POR: variants seen among roughly 807,000 people sequenced by gnomAD.
POR encodes NADPH--cytochrome P450 reductase.
POR carries 56 observed loss-of-function variants against 84.0 expected under a neutral mutation model. That is an observed-to-expected ratio of 0.67 (90% CI 0.54 to 0.83). POR has a LOEUF of 0.83. Ranked by LOEUF, POR falls within the 40% of genes least tolerant of loss-of-function variation. POR has a pLI of 0.00. For synonymous variants in POR, 414 were observed against 400.5 expected, an observed-to-expected ratio of 1.03 and a Z score of -0.40; for missense variants, 938 against 944.3, an observed-to-expected ratio of 0.99 and a Z score of 0.09.
At chr7:75,967,878 C>T (rs183287436) in intron 2 of POR, 16 of 363,048 alleles carry the variant, frequency 4.4e-5, no homozygotes, top group Admixed American at 2.4e-4. Flanking sequence ...TGGGGGCAGA[C>T]GCAGGCAGGA....
chr7:75,940,346 C>T (rs1436455690), intron 1 of POR, among the ~76,000 whole-genome samples: 1 of 151,932 alleles, frequency 6.6e-6, no homozygotes, highest in Non-Finnish European at 1.5e-5. Context: ...CTCAGCCTCC[C>T]AAAGTGCTGG....
At chr7:75,963,215 G>C (rs572203352) in intron 2 of POR, among the ~76,000 whole-genome samples, 3 of 152,294 alleles carry the variant, frequency 2.0e-5, no homozygotes, top group Admixed American at 6.5e-5. Context: ...CATCGAGCAT[G>C]AAAAGAGAAA....
chr7:75,929,210 G>C (rs1396414149), intron 1 of POR, among the ~76,000 whole-genome samples: 1 of 152,132 alleles, frequency 6.6e-6, no homozygotes, highest in African/African-American at 2.4e-5. Flanking sequence ...TTAAACACAT[G>C]CTGTGAATAT....
chr7:75,973,427 C>T lies in POR; in HGVS notation c.237+966C>T, dbSNP rs1264823292. ...CTCCTAGACTCAAGCCATCCTCCTA[C>T]CACAGCCTCCCAAGTAGCTGGGACT... On this transcript the variant is annotated intron_variant, in intron 3 of 15. Coordinates refer to ENST00000461988, the MANE Select transcript of POR (RefSeq NM_000941.3). Among the ~76,000 whole-genome samples, 3 of 152,018 alleles carry T rather than the reference C, an allele frequency of 2.0e-5. No homozygotes were observed. The East Asian group carries it at 5.8e-4, about 29-fold the overall frequency.
intron 2 of POR, among the ~76,000 whole-genome samples, 159 bp downstream of exon 2, chr7:75,954,339 T>C (rs372030799): frequency 6.6e-6 from 1 of 152,126 alleles, no homozygotes; most frequent in Admixed American, 6.6e-5. Flanking sequence ...GCTTGAGCTC[T>C]CCCTTAATCA....
chr7:75,982,416 G>A, intron 8 of POR, 94 bp downstream of exon 8: 1 of 1,072,628 alleles, frequency 9.3e-7, no homozygotes. Context: ...TCCCCACAGG[G>A]CCCTTCTCAC....
At chr7:75,963,836 G>A (rs925007693) in intron 2 of POR, among the ~76,000 whole-genome samples, 21 of 152,048 alleles carry the variant, frequency 1.4e-4, no homozygotes, top group Non-Finnish European at 2.9e-5. Flanking sequence ...AGGAGTTGGG[G>A]TCACCAAGGA....
intron 1 of POR, among the ~76,000 whole-genome samples, chr7:75,919,409 A>G (rs1176922887): frequency 4.6e-5 from 6 of 130,952 alleles, no homozygotes; most frequent in African/African-American, 1.1e-4. Flanking sequence ...GTGTGTGTGT[A>G]TGCATATAAG....
chr7:75,962,150 G>A (rs1787969815), intron 2 of POR, among the ~76,000 whole-genome samples: 1 of 152,160 alleles, frequency 6.6e-6, no homozygotes, highest in South Asian at 2.1e-4. Flanking sequence ...TTCCCTGATT[G>A]ACTGATGTTT....
At chr7:75,960,584 C>T (rs1554554358) in intron 2 of POR, among the ~76,000 whole-genome samples, 1 of 152,100 alleles carries the variant, frequency 6.6e-6, no homozygotes, top group African/African-American at 2.4e-5. Context: ...GTTCTGAGAT[C>T]ACTCACTGTG....
At chr7:75,921,051 C>T (rs1333840512) in intron 1 of POR, 3 of 152,232 alleles carry the variant, frequency 2.0e-5, no homozygotes, top group African/African-American at 7.2e-5. Context: ...CCTTACGTAA[C>T]GTGATTTGCA....
At chr7:75,949,864 T>G (rs1787338770) in intron 1 of POR, among the ~76,000 whole-genome samples, 2 of 144,556 alleles carry the variant, frequency 1.4e-5, no homozygotes, top group Non-Finnish European at 3.1e-5. Context: ...CTGACTTACT[T>G]TTTTTTTTTT....
At chr7:75,974,426 ACT>A (rs1788580267) in intron 3 of POR, among the ~76,000 whole-genome samples, 1 of 151,464 alleles carries the variant, frequency 6.6e-6, no homozygotes, top group South Asian at 2.1e-4. Context: ...TAAAAAAAAA[ACT>A]CAGTATAGTT....
At chr7:75,957,160 C>A (rs960743890) in intron 2 of POR, among the ~76,000 whole-genome samples, 1 of 152,128 alleles carries the variant, frequency 6.6e-6, no homozygotes, top group East Asian at 1.9e-4. Flanking sequence ...ATGGGATGTG[C>A]CCAGGGCACA....
intron 10 of POR, 54 bp downstream of exon 10, chr7:75,983,910 C>CA: frequency 7.1e-7 from 1 of 1,416,720 alleles, no homozygotes; most frequent in African/African-American, 1.4e-5. Context: ...CGGGATTGGG[C>CA]CTGTAGGAAG....
At chr7:75,930,571 G>A (rs1388249962) in intron 1 of POR, among the ~76,000 whole-genome samples, 1 of 152,178 alleles carries the variant, frequency 6.6e-6, no homozygotes, top group Non-Finnish European at 1.5e-5. Context: ...CGCCCAGGCT[G>A]GAGTGCAGTG....
intron 1 of POR, among the ~76,000 whole-genome samples, chr7:75,937,832 A>G (rs1033624438): frequency 6.6e-6 from 1 of 151,838 alleles, no homozygotes; most frequent in Non-Finnish European, 1.5e-5. Flanking sequence ...AGGATGAACC[A>G]GCGTGAACTC....
Position 75,928,171 on chromosome 7 carries a change from A to G in POR, c.-5+12992A>G, listed in dbSNP as rs148438141. Among the ~76,000 whole-genome samples, 1,506 of 152,046 alleles carry G rather than the reference A, an allele frequency of 9.9e-3. 20 individuals carry two copies. Among genetic ancestry groups the G allele is most frequent in the African/African-American group, 0.034 (1,415 of 41,470 alleles). On this transcript the variant is annotated intron_variant, in intron 1 of 15. Coordinates refer to ENST00000461988, the MANE Select transcript of POR (RefSeq NM_000941.3). ...TTTTTAGTAGAGATAGGGTTTCACT[A>G]TGTTGGCCAGGCTGGTCTCGAACTC... is the stretch of plus-strand genomic sequence containing the variant.
rs535327241 is a variant in POR, at chr7:75,921,865, C to G, written c.-5+6686C>G. On this transcript the variant is annotated intron_variant, in intron 1 of 15. Coordinates refer to ENST00000461988, the MANE Select transcript of POR (RefSeq NM_000941.3). Reference sequence around the variant, plus strand: ...GGCACTACAGGCACGTGCCTCCACACCTAGCTAATTTTTGTATTTCTAGTA... The same window carrying G: ...GGCACTACAGGCACGTGCCTCCACAGCTAGCTAATTTTTGTATTTCTAGTA... Among the ~76,000 whole-genome samples, 33 of 152,116 alleles carry G rather than the reference C, an allele frequency of 2.2e-4. No homozygotes were observed. In the South Asian group the frequency reaches 5.8e-3, roughly 27 times the overall value.
Sources: gnomAD v4.1 joint callset for allele counts (sites outside exome capture counted in the v4.1 genomes callset) on GRCh38, gnomAD v4.1.1 for gene constraint, MANE v1.5 for transcripts, NCBI Gene and HGNC (gene_info 2026-07-23, HGNC 2026-07-21) for gene names.